The following GFRA1 variants were observed in gnomAD, a reference collection of about 807,000 sequenced individuals.
GFRA1 encodes GDNF family receptor alpha-1.
GFRA1 carries 16 observed loss-of-function variants against 51.6 expected under a neutral mutation model. The observed-to-expected ratio is 0.31, with a 90% CI of 0.21 to 0.47. The LOEUF (loss-of-function observed/expected upper bound fraction) is 0.47, where lower values mean the gene tolerates loss of function less well. Among genes scored for constraint, GFRA1 ranks in the 20% least tolerant of loss-of-function variants. The pLI, the probability that GFRA1 is intolerant of heterozygous loss-of-function variation, is 1.00. For synonymous variants in GFRA1, 270 were observed against 241.3 expected (o/e 1.12, Z -1.10); for missense variants, 530 against 594.3 (o/e 0.89, Z 1.13).
At chr10:116,242,009 A>G (rs1295567239) in intron 4 of GFRA1, among the ~76,000 whole-genome samples, 1 of 152,244 alleles carries the variant, frequency 6.6e-6, no homozygotes, top group Non-Finnish European at 1.5e-5. Context: ...TTACACATGC[A>G]AAATGAAGTA....
At chr10:116,070,758 C>G (rs1400377774) in intron 9 of GFRA1, among the ~76,000 whole-genome samples, 1 of 132,210 alleles carries the variant, frequency 7.6e-6, no homozygotes, top group African/African-American at 3.5e-5. Flanking sequence ...AAGTCTGGAG[C>G]CTTTTTTTTT....
At chr10:116,117,901 G>C (rs980982768) in intron 6 of GFRA1, among the ~76,000 whole-genome samples, 1 of 152,018 alleles carries the variant, frequency 6.6e-6, no homozygotes, top group African/African-American at 2.4e-5. Flanking sequence ...CTAAGACTCT[G>C]TTCCCCTTTG....
intron 6 of GFRA1, among the ~76,000 whole-genome samples, chr10:116,097,256 G>T (rs1490766194): frequency 6.6e-6 from 1 of 152,216 alleles, no homozygotes; most frequent in Non-Finnish European, 1.5e-5. Flanking sequence ...GTGTGTTTCT[G>T]TCTTGTAAGT....
At chr10:116,165,665 T>TCTCACACACACA (rs144455312) in intron 5 of GFRA1, among the ~76,000 whole-genome samples, 1 of 149,444 alleles carries the variant, frequency 6.7e-6, no homozygotes, top group Non-Finnish European at 1.5e-5. Flanking sequence ...TCTCTCACTC[T>TCTCACACACACA]CACACACACA....
intron 4 of GFRA1, chr10:116,255,687 A>G: frequency 7.8e-7 from 1 of 1,289,056 alleles, no homozygotes; most frequent in Non-Finnish European, 1.0e-6. Context: ...CCCCTTCCAG[A>G]ACTTTCCTTC....
At chr10:116,226,943 C>T (rs138434620) in intron 4 of GFRA1, among the ~76,000 whole-genome samples, 78 of 152,074 alleles carry the variant, frequency 5.1e-4, no homozygotes, top group African/African-American at 1.8e-3. Context: ...TGACAGGTGG[C>T]GCAGGTCAGG....
intron 5 of GFRA1, among the ~76,000 whole-genome samples, chr10:116,130,024 C>T (rs1478132134): frequency 6.8e-6 from 1 of 147,072 alleles, no homozygotes; most frequent in Admixed American, 6.8e-5. Context: ...ATGTTAGCTG[C>T]AAAAAAATTA....
At chr10:116,173,567 C>T (rs1206657011) in intron 5 of GFRA1, among the ~76,000 whole-genome samples, 1 of 152,152 alleles carries the variant, frequency 6.6e-6, no homozygotes, top group African/African-American at 2.4e-5. Flanking sequence ...TCACCGTATG[C>T]CTTTCCAATA....
rs79232014 is a variant in GFRA1 at position 116,121,686 on chromosome 10, G to A, written c.770+3535C>T. Among the ~76,000 whole-genome samples the A allele has an allele frequency of 2.4e-3, 366 of 152,290 alleles. 2 individuals carry two copies. Among genetic ancestry groups the A allele is most frequent in the African/African-American group, 8.0e-3 (334 of 41,564 alleles). On this transcript the variant is annotated intron_variant, in intron 6 of 10. Coordinates refer to ENST00000355422, the MANE Select transcript of GFRA1 (RefSeq NM_005264.8). ...ATGGAAATGGAGCATTTGAAAGTGTGAGCTTTCGAAGAATATGGTTTTTAG... is the reference window on the plus strand; with the variant it reads ...ATGGAAATGGAGCATTTGAAAGTGTAAGCTTTCGAAGAATATGGTTTTTAG...
At chr10:116,178,299 C>T (rs1409949222) in intron 5 of GFRA1, among the ~76,000 whole-genome samples, 9 of 138,974 alleles carry the variant, frequency 6.5e-5, no homozygotes, top group African/African-American at 2.4e-4. Flanking sequence ...CACAAGGGGC[C>T]GGGGGGGCGT....
In GFRA1 at chr10:116,272,400, C is replaced by A; in HGVS notation, c.-246-125G>T. The stretch of plus-strand genomic sequence containing the variant: ...CAACACCGGGGTGAGGACCCACCCC[C>A]ACCCAGGTCGGGGTGCATGTGCGTG... On this transcript the variant is annotated intron_variant, in intron 1 of 10. Coordinates refer to ENST00000355422, the MANE Select transcript of GFRA1 (RefSeq NM_005264.8). This position sits in a 1 kb window ranked among gnomAD's most constrained non-coding sequence, Gnocchi z 4.4. The A allele has an allele frequency of 2.6e-6, 1 of 378,360 alleles. No homozygotes were observed. The highest frequency in any genetic ancestry group is 5.0e-6 in the Non-Finnish European group (1 of 201,518). 23.4% of individuals were successfully genotyped at this position (378,360 alleles called of 1,614,324 possible).
intron 8 of GFRA1, among the ~76,000 whole-genome samples, chr10:116,093,453 C>T (rs1407184244): frequency 6.6e-6 from 1 of 152,196 alleles, no homozygotes; most frequent in Non-Finnish European, 1.5e-5. Context: ...ACAGTCTTAG[C>T]AGCACCCAGT....
intron 5 of GFRA1, among the ~76,000 whole-genome samples, chr10:116,210,471 G>A (rs889772747): frequency 7.9e-5 from 12 of 152,114 alleles, no homozygotes; most frequent in East Asian, 1.9e-4. Context: ...TTCATTACAC[G>A]AACAGTCACG....
intron 5 of GFRA1, among the ~76,000 whole-genome samples, chr10:116,174,784 A>G (rs1016572588): frequency 5.3e-5 from 8 of 152,346 alleles, no homozygotes; most frequent in East Asian, 1.9e-4. Flanking sequence ...AATTATCTTT[A>G]AAAACTATCT....
chr10:116,255,002 G>T (rs1408830072), intron 4 of GFRA1, among the ~76,000 whole-genome samples: 1 of 152,156 alleles, frequency 6.6e-6, no homozygotes, highest in Non-Finnish European at 1.5e-5. Context: ...CACGCACAAG[G>T]CAGTTGCAGT....
intron 5 of GFRA1, among the ~76,000 whole-genome samples, chr10:116,173,469 C>A (rs140371678): frequency 1.3e-5 from 2 of 152,284 alleles, no homozygotes; most frequent in East Asian, 3.9e-4. Context: ...TTTCCTAGTT[C>A]CGCCATTTCT....
intron 4 of GFRA1, among the ~76,000 whole-genome samples, chr10:116,256,440 G>A (rs1363021932): frequency 6.6e-6 from 1 of 152,100 alleles, no homozygotes; most frequent in Non-Finnish European, 1.5e-5. Context: ...GCTAAAAAGG[G>A]CAGCACCACC....
At chr10:116,177,991 A>G (rs1021666180) in intron 5 of GFRA1, among the ~76,000 whole-genome samples, 3 of 152,170 alleles carry the variant, frequency 2.0e-5, no homozygotes, top group Non-Finnish European at 4.4e-5. Flanking sequence ...GGCAGAGTCC[A>G]ACAGTTACTC....
At chr10:116,236,404 T>C (rs1034905758) in intron 4 of GFRA1, among the ~76,000 whole-genome samples, 1 of 152,100 alleles carries the variant, frequency 6.6e-6, no homozygotes, top group Non-Finnish European at 1.5e-5. Flanking sequence ...CTTTCTCATA[T>C]GCAAAAGCAG....
Sources: gnomAD v4.1 joint callset for allele counts (sites outside exome capture counted in the v4.1 genomes callset) on GRCh38, gnomAD v4.1.1 for gene constraint, Gnocchi (gnomAD v3.1) non-coding constraint, MANE v1.5 for transcripts, NCBI Gene and HGNC (gene_info 2026-07-23, HGNC 2026-07-21) for gene names.